Variants in CLN6 observed in about 807,000 individuals in gnomAD.
The protein encoded by CLN6 is ceroid-lipofuscinosis neuronal protein 6.
Under a neutral mutation model 33.3 loss-of-function variants are expected in CLN6, and 22 were observed. The ratio of observed to expected loss-of-function variants is 0.66; its 90% CI spans 0.47 to 0.94. CLN6 has a LOEUF of 0.94. Ranked by LOEUF, CLN6 falls within the 40% of genes least tolerant of loss-of-function variation. CLN6 has a pLI of 0.00. For synonymous variants in CLN6, 201 were observed against 174.6 expected, an observed-to-expected ratio of 1.15 and a Z score of -1.19; for missense variants, 387 against 417.1, an observed-to-expected ratio of 0.93 and a Z score of 0.63.
At chr15:68,230,038 G>C (rs2093265689), upstream of CLN6, among the ~76,000 whole-genome samples, 1 of 152,228 alleles carries the variant, frequency 6.6e-6, no homozygotes, top group African/African-American at 2.4e-5. This position sits in a 1 kb window ranked among gnomAD's most constrained non-coding sequence, Gnocchi z 4.0. Flanking sequence ...CCGGGGCAGA[G>C]GGTTCTGTGG....
intron 1 of CLN6, among the ~76,000 whole-genome samples, chr15:68,223,843 C>A (rs541740476): frequency 6.6e-6 from 1 of 151,626 alleles, no homozygotes; most frequent in African/African-American, 2.4e-5. Flanking sequence ...GTCAGGAGTT[C>A]GAGACCAGCC....
chr15:68,212,501 A>G (rs1332669936), intron 3 of CLN6: 3 of 153,374 alleles, frequency 2.0e-5, no homozygotes, highest in Non-Finnish European at 2.9e-5. Context: ...CATATACACA[A>G]TGAGATATCT....
intron 1 of CLN6, among the ~76,000 whole-genome samples, chr15:68,225,370 C>T (rs866886269): frequency 2.0e-5 from 3 of 152,148 alleles, no homozygotes; most frequent in Non-Finnish European, 4.4e-5. Context: ...AAGATAATTA[C>T]GGTTTTAAAG....
chr15:68,225,977 A>G (rs1408625673), intron 1 of CLN6, among the ~76,000 whole-genome samples: 3 of 151,904 alleles, frequency 2.0e-5, no homozygotes, highest in South Asian at 4.2e-4. Flanking sequence ...TCTCAAAAAA[A>G]GAATAAAATA....
In CLN6 at chr15:68,209,740, T is replaced by C. The variant is rs1354644875; in HGVS notation, c.562A>G (p.Ile188Val). ...HCMWYIPFFL[I>V]LFMYFSGCFT... ...CAGCCGCTGAAGTACATGAAGAGGA[T>C]GAGGAAGAAGGGGATGTACCTGTGA... The change falls in exon 6 of 7, where the codon ATC (isoleucine) becomes GTC (valine). Residue 188 changes from isoleucine (I) to valine (V), a missense_variant. Ile to Val is a conservative substitution (Grantham distance 29, BLOSUM62 3). Transcript: ENST00000249806. The surrounding 1 kb of genome is among the most constrained non-coding windows in gnomAD (Gnocchi z 4.9). The C allele has an allele frequency of 6.2e-7, 1 of 1,613,544 alleles. No homozygotes were observed. The highest frequency in any genetic ancestry group is 1.7e-5 in the Admixed American group (1 of 60,010).
At position 68,236,889 on chromosome 15, in the gene CLN6, G is replaced by A. The variant is rs1892223635; in HGVS notation, c.180-18239C>T. 6.6e-6 allele frequency among the ~76,000 whole-genome samples: 1 copy of A among 151,800 alleles called. No homozygotes were observed. Among genetic ancestry groups the A allele is most frequent in the African/African-American group, 2.4e-5 (1 of 41,296 alleles). On this transcript the variant is annotated intron_variant, in intron 1 of 6. Coordinates refer to the CLN6 transcript ENST00000538696. This position sits in a 1 kb window ranked among gnomAD's most constrained non-coding sequence, Gnocchi z 4.5. ...CTGAATGGAGGCGGCCGGGCGCGGT[G>A]GCTCACGCCTGTAATCCCAGCACTT...
At chr15:68,245,289 G>T (rs548084896) in intron 1 of CLN6, among the ~76,000 whole-genome samples, 1 of 152,112 alleles carries the variant, frequency 6.6e-6, no homozygotes, top group Non-Finnish European at 1.5e-5. Flanking sequence ...GTGGCCAGGC[G>T]TGGTGGCTCA....
intron 1 of CLN6, among the ~76,000 whole-genome samples, chr15:68,237,663 G>A (rs1892234216): frequency 6.6e-6 from 1 of 152,178 alleles, no homozygotes; most frequent in Non-Finnish European, 1.5e-5. Context: ...GTTAAGAGAA[G>A]AAAGGGTAGA....
Position 68,247,691 on chromosome 15 carries a change from G to A in CLN6, c.179+8999C>T, listed in dbSNP as rs1197356915. On this transcript the variant is annotated intron_variant, in intron 1 of 6. Transcript: ENST00000538696. The surrounding 1 kb of genome is among the most constrained non-coding windows in gnomAD (Gnocchi z 4.2). Reference sequence around the variant, plus strand: ...AAAAAACAATCCTAAAATTCATATGGAACCACAAAAGACCCAGAATAGTGA... The same window carrying A: ...AAAAAACAATCCTAAAATTCATATGAAACCACAAAAGACCCAGAATAGTGA... 1.3e-5 allele frequency among the ~76,000 whole-genome samples: 2 copies of A among 152,010 alleles called. No homozygotes were observed. The highest frequency in any genetic ancestry group is 2.4e-5 in the African/African-American group (1 of 41,378).
In CLN6 at chr15:68,207,799, G is replaced by A. The variant is rs573459781; in HGVS notation, c.*341C>T. 2.1e-5 allele frequency: 8 copies of A among 380,688 alleles called. No individual in the cohort carries two copies. The highest frequency in any genetic ancestry group is 3.9e-5 in the Admixed American group (1 of 25,782). The allele number at this position is 380,688 out of a possible 1,614,324, so 23.6% of individuals were successfully genotyped here. ...CCTGCACGGCTACCAGAAGATGTCC[G>A]GGAAGAACAGACTAGCCCTGAGTAG... On this transcript the variant is annotated 3_prime_UTR_variant, in exon 7 of 7. Coordinates refer to ENST00000249806, the MANE Select transcript of CLN6 (RefSeq NM_017882.3).
chr15:68,213,969 CA>C lies in CLN6; in HGVS notation c.297+320del, dbSNP rs2093213261. The C allele has an allele frequency of 9.0e-6, 3 of 334,244 alleles. No individual in the cohort carries two copies. In the Admixed American group the frequency reaches 1.2e-4, roughly 13 times the overall value. The allele number at this position is 334,244 out of a possible 1,614,324, so 20.7% of individuals were successfully genotyped here. ...CCAGTCACTTCTGCCTCAGCCTCCCCAAATGTTTTACGGTTTCCCAAGCACA... is the reference window on the plus strand; with the variant it reads ...CCAGTCACTTCTGCCTCAGCCTCCCCAATGTTTTACGGTTTCCCAAGCACA... On this transcript the variant is annotated intron_variant, in intron 3 of 6. Transcript: ENST00000249806.
chr15:68,248,689 C>T (rs6494726), intron 1 of CLN6, among the ~76,000 whole-genome samples: 81,757 of 150,570 alleles, frequency 0.54, 22,750 homozygotes, highest in African/African-American at 0.61. Flanking sequence ...CCTAAAACTA[C>T]GAAACCACTA....
chr15:68,209,517 G>C lies in CLN6; in HGVS notation c.665+120C>G. The stretch of plus-strand genomic sequence containing the variant: ...CCCCACTAGACACAAGAAGAAGCAC[G>C]GGCCCAAAGAGGGCCAGTCTCCCTG... On this transcript the variant is annotated intron_variant, in intron 6 of 6. Coordinates refer to ENST00000249806, the MANE Select transcript of CLN6 (RefSeq NM_017882.3). This position sits in a 1 kb window ranked among gnomAD's most constrained non-coding sequence, Gnocchi z 4.9. 1 of 1,369,024 alleles carries C rather than the reference G, an allele frequency of 7.3e-7. No homozygotes were observed. Among genetic ancestry groups the C allele is most frequent in the Non-Finnish European group, 1.0e-6 (1 of 975,018 alleles). The allele number at this position is 1,369,024 out of a possible 1,614,324, so 84.8% of individuals were successfully genotyped here.
At chr15:68,225,965 C>T (rs1482256176) in intron 1 of CLN6, among the ~76,000 whole-genome samples, 1 of 150,680 alleles carries the variant, frequency 6.6e-6, no homozygotes, top group African/African-American at 2.4e-5. Context: ...AGTGAAACTC[C>T]ATCTCAAAAA....
intron 1 of CLN6, among the ~76,000 whole-genome samples, chr15:68,252,372 C>A (rs992676590): frequency 6.6e-6 from 1 of 152,102 alleles, no homozygotes; most frequent in Admixed American, 6.6e-5. Flanking sequence ...AAATTACCAA[C>A]AAACATGAAA....
chr15:68,208,287 G>A lies in CLN6; in HGVS notation c.789C>T (p.Phe263=), dbSNP rs558758367. 2.5e-6 allele frequency: 4 copies of A among 1,614,174 alleles called. No homozygotes were observed. In the South Asian group the frequency reaches 4.4e-5, roughly 18 times the overall value. ...LFLDSNGLFL[F]SSFALTLLLV... is the part of the protein sequence containing the mutation. ...GCAAGAGGGTCAGTGCGAAGGAGGA[G>A]AAGAGGAAGAGGCCGTTGCTGTCCA... The change falls in exon 7 of 7, where the codon TTC becomes TTT. Residue 263 remains phenylalanine (F), a synonymous_variant. Coordinates refer to ENST00000249806, the MANE Select transcript of CLN6 (RefSeq NM_017882.3). The surrounding 1 kb of genome is among the most constrained non-coding windows in gnomAD (Gnocchi z 5.8).
At chr15:68,249,534 A>T (rs987062477) in intron 1 of CLN6, among the ~76,000 whole-genome samples, 3 of 152,234 alleles carry the variant, frequency 2.0e-5, no homozygotes, top group African/African-American at 7.2e-5. Flanking sequence ...ACATAGATAG[A>T]ACTGGAGATC....
At position 68,209,827 on chromosome 15, in the gene CLN6, A is replaced by G. The variant is rs1053273542; in HGVS notation, c.543-68T>C. On this transcript the variant is annotated intron_variant, in intron 5 of 6. Transcript: ENST00000249806. This position sits in a 1 kb window ranked among gnomAD's most constrained non-coding sequence, Gnocchi z 4.9. ...CCTCTTCCCCACAACCTCTGCAACCACTCCCATGGGGTCTCATGGAGTGCC... is the reference window on the plus strand; with the variant it reads ...CCTCTTCCCCACAACCTCTGCAACCGCTCCCATGGGGTCTCATGGAGTGCC... The G allele has an allele frequency of 6.2e-7, 1 of 1,600,806 alleles. No individual in the cohort carries two copies. Among genetic ancestry groups the G allele is most frequent in the Non-Finnish European group, 8.5e-7 (1 of 1,173,272 alleles).
Position 68,210,708 on chromosome 15 carries a change from C to G in CLN6, c.542+555G>C, listed in dbSNP as rs1272443662. ...TGAGACCACATTTCTGAGGTCTCCCCCGACTGAGGGACGGGGTAGGTAGGA... is the reference window on the plus strand; with the variant it reads ...TGAGACCACATTTCTGAGGTCTCCCGCGACTGAGGGACGGGGTAGGTAGGA... On this transcript the variant is annotated intron_variant, in intron 5 of 6. Transcript: ENST00000249806. The surrounding 1 kb of genome is among the most constrained non-coding windows in gnomAD (Gnocchi z 5.6). Among the ~76,000 whole-genome samples the G allele has an allele frequency of 6.6e-6, 1 of 152,156 alleles. No homozygotes were observed. The highest frequency in any genetic ancestry group is 1.5e-5 in the Non-Finnish European group (1 of 68,004).
Sources: allele counts gnomAD v4.1 joint callset (sites outside exome capture counted in the v4.1 genomes callset), GRCh38; gene constraint gnomAD v4.1.1; non-coding constraint Gnocchi (gnomAD v3.1); transcripts MANE v1.5; gene names NCBI Gene and HGNC (gene_info 2026-07-23, HGNC 2026-07-21).